Variants in DDX18 observed in about 807,000 individuals in gnomAD.
DDX18 encodes the protein DEAD-box helicase 18.
Under a neutral mutation model 73.5 loss-of-function variants are expected in DDX18, and 23 were observed. That is an observed-to-expected ratio of 0.31 (90% CI 0.23 to 0.44). The LOEUF (loss-of-function observed/expected upper bound fraction) is 0.44. Ranked by LOEUF, DDX18 falls within the 20% of genes least tolerant of loss-of-function variation. The pLI is 1.00. For missense variants in DDX18, 753 were observed against 792.9 expected, an observed-to-expected ratio of 0.95 and a Z score of 0.60; for synonymous variants, 268 against 282.7, an observed-to-expected ratio of 0.95 and a Z score of 0.52.
intron 11 of DDX18, chr2:117,828,121 T>G (rs1163479525): frequency 1.3e-5 from 2 of 152,232 alleles, no homozygotes; most frequent in Non-Finnish European, 2.9e-5. Flanking sequence ...CCTAAATGTC[T>G]TCTTTTGAGA....
chr2:117,824,460 A>G lies in DDX18; in HGVS notation c.1067-109A>G, dbSNP rs925558259. The G allele has an allele frequency of 1.4e-5, 15 of 1,037,302 alleles. No individual in the cohort carries two copies. In the African/African-American group the frequency reaches 2.5e-4, roughly 17 times the overall value. 64.3% of individuals were successfully genotyped at this position (1,037,302 alleles called of 1,614,324 possible). A position where few individuals can be genotyped will look rare whatever the true frequency, so the allele number is the denominator to read the frequency against. On this transcript the variant is annotated intron_variant, in intron 7 of 13. Coordinates refer to ENST00000263239, the MANE Select transcript of DDX18 (RefSeq NM_006773.4). ...TGTAATATTTGTAGATTCTGTAGAAACATCATATCTCCCATTTCTGATATC... is the reference window on the plus strand; with the variant it reads ...TGTAATATTTGTAGATTCTGTAGAAGCATCATATCTCCCATTTCTGATATC...
chr2:117,830,767 G>T lies in DDX18; in HGVS notation c.*43G>T. The T allele has an allele frequency of 6.3e-7, 1 of 1,596,410 alleles. No individual in the cohort carries two copies. The highest frequency in any genetic ancestry group is 2.2e-5 in the East Asian group (1 of 44,538). On this transcript the variant is annotated 3_prime_UTR_variant, in exon 14 of 14. Coordinates refer to ENST00000263239, the MANE Select transcript of DDX18 (RefSeq NM_006773.4). ...ATCTTGAATAACTTTGTCCTAAAAT[G>T]AATTTTTTTTCCCCTTGATTTAACA...
chr2:117,821,847 A>G lies in DDX18; in HGVS notation c.752-15A>G, dbSNP rs781174520. ...TGACAGCCACATTTAGACTTCTACC[A>G]TATATCATTTTTAGGAACAGGAGTC... On this transcript the variant is annotated splice_polypyrimidine_tract_variant and intron_variant, in intron 5 of 13. Coordinates refer to ENST00000263239, the MANE Select transcript of DDX18 (RefSeq NM_006773.4). 137 of 1,613,726 alleles carry G rather than the reference A, an allele frequency of 8.5e-5. 1 individual carries two copies. The South Asian group carries it at 1.4e-3, about 17-fold the overall frequency.
At chr2:117,821,629 C>A (rs753345032) in intron 4 of DDX18, 21 bp from the exon 5 acceptor site, 4 of 1,613,062 alleles carry the variant, frequency 2.5e-6, no homozygotes, top group Non-Finnish European at 3.4e-6. Context: ...TGTCTTTCTC[C>A]TTTCCCTTTT....
chr2:117,824,473 C>A, intron 7 of DDX18, 96 bp from the exon 8 acceptor site: 2 of 1,115,644 alleles, frequency 1.8e-6, no homozygotes, highest in Non-Finnish European at 1.2e-6. Context: ...TCATATCTCC[C>A]ATTTCTGATA....
chr2:117,819,917 T>A (rs1190777420), intron 3 of DDX18, 125 bp downstream of exon 3: 2 of 852,470 alleles, frequency 2.3e-6, no homozygotes, highest in Non-Finnish European at 3.3e-6. Context: ...AACAAGAAAC[T>A]TTTTTTATAT....
At chr2:117,819,572 A>G in intron 2 of DDX18, 77 bp from the exon 3 acceptor site, 1 of 1,251,828 alleles carries the variant, frequency 8.0e-7, no homozygotes, top group Middle Eastern at 2.9e-4. Context: ...TATATCAGAG[A>G]TCTTCTGTTT....
At position 117,821,955 on chromosome 2, in the gene DDX18, A is replaced by G. The variant is rs1679853156; in HGVS notation, c.845A>G (p.Tyr282Cys). The change falls in exon 6 of 14, where the codon TAT becomes TGT. Residue 282 changes from tyrosine (Y) to cysteine (C), a missense_variant. Physicochemically the swap from Tyr to Cys is radical, Grantham distance 194. Transcript: ENST00000263239. ...KELMTHHVHT[Y>C]GLIMGGSNRS... The stretch of plus-strand genomic sequence containing the variant: ...CTGATGACTCACCACGTGCATACCT[A>G]TGGCTTGATAATGGGTGGCAGTAAC... The G allele has an allele frequency of 6.2e-7, 1 of 1,614,026 alleles. No individual in the cohort carries two copies. Among genetic ancestry groups the G allele is most frequent in the Non-Finnish European group, 8.5e-7 (1 of 1,179,950 alleles).
chr2:117,826,898 T>C (rs1211337212), intron 11 of DDX18: 1 of 154,534 alleles, frequency 6.5e-6, no homozygotes, highest in African/African-American at 2.4e-5. Flanking sequence ...CTTCTACCCC[T>C]GCCTGCAGGA....
rs771010075 is a variant in DDX18 at position 117,821,873 on chromosome 2, C to T, written c.763C>T (p.Leu255Phe). 5.0e-6 allele frequency: 8 copies of T among 1,613,844 alleles called. No individual in the cohort carries two copies. Among genetic ancestry groups the T allele is most frequent in the South Asian group, 3.3e-5 (3 of 91,088 alleles). The change falls in exon 6 of 14, where the codon CTT becomes TTT. Residue 255 changes from leucine (L) to phenylalanine (F), a missense_variant. Leu to Phe is a conservative substitution (Grantham distance 22). Transcript: ENST00000263239. ...RFMPRNGTGV[L>F]ILSPTRELAM... The stretch of plus-strand genomic sequence containing the variant: ...TATATCATTTTTAGGAACAGGAGTC[C>T]TTATTCTCTCACCTACTAGAGAACT...
chr2:117,815,012 G>A, intron 1 of DDX18, 150 bp downstream of exon 1: 2 of 730,948 alleles, frequency 2.7e-6, no homozygotes, highest in Non-Finnish European at 4.6e-6. Flanking sequence ...GCTTCCACTC[G>A]GGACCCGCGC....
intron 3 of DDX18, 142 bp from the exon 4 acceptor site, chr2:117,821,019 A>G (rs1234133419): frequency 1.3e-6 from 1 of 746,108 alleles, no homozygotes; most frequent in Non-Finnish European, 2.0e-6. Flanking sequence ...CTTTTTCTTG[A>G]TATTATCACA....
chr2:117,830,770 T>G lies in DDX18; in HGVS notation c.*46T>G. On this transcript the variant is annotated 3_prime_UTR_variant, in exon 14 of 14. Coordinates refer to ENST00000263239, the MANE Select transcript of DDX18 (RefSeq NM_006773.4). ...TTGAATAACTTTGTCCTAAAATGAA[T>G]TTTTTTTCCCCTTGATTTAACAGGA... 6.3e-7 allele frequency: 1 copy of G among 1,587,884 alleles called. No homozygotes were observed. Among genetic ancestry groups the G allele is most frequent in the Non-Finnish European group, 8.5e-7 (1 of 1,172,436 alleles).
chr2:117,831,822 T>C lies in DDX18; in HGVS notation c.*1098T>C, dbSNP rs1186046442. The C allele has an allele frequency of 6.6e-6, 1 of 152,264 alleles. No homozygotes were observed. The highest frequency in any genetic ancestry group is 1.5e-5 in the Non-Finnish European group (1 of 68,042). 9.4% of individuals were successfully genotyped at this position (152,264 alleles called of 1,614,324 possible). On this transcript the variant is annotated 3_prime_UTR_variant, in exon 14 of 14. Coordinates refer to ENST00000263239, the MANE Select transcript of DDX18 (RefSeq NM_006773.4). ...TTTCGTTGTAGGAGCACTTGATTTC[T>C]AGTGTGTTTTGTACAGTATATAACT...
intron 1 of DDX18, among the ~76,000 whole-genome samples, chr2:117,816,796 AT>A (rs1272791711): frequency 1.3e-5 from 2 of 152,386 alleles, no homozygotes; most frequent in East Asian, 3.9e-4. Flanking sequence ...CATGAGTAAT[AT>A]GTTGCACTAC....
In DDX18 at chr2:117,832,256, A is replaced by G. The variant is rs772511801; in HGVS notation, c.*1532A>G. The G allele has an allele frequency of 5.3e-5, 8 of 152,170 alleles. No homozygotes were observed. The highest frequency in any genetic ancestry group is 1.0e-4 in the Non-Finnish European group (7 of 68,028). The allele number at this position is 152,170 out of a possible 1,614,324, so 9.4% of individuals were successfully genotyped here. A position where few individuals can be genotyped will look rare whatever the true frequency, so the allele number is the denominator to read the frequency against. The stretch of plus-strand genomic sequence containing the variant: ...GCATTTTGTACATAATCTAATTTTT[A>G]TATGCATGTTCATGCTTTTTAATTT... On this transcript the variant is annotated 3_prime_UTR_variant, in exon 14 of 14. Transcript: ENST00000263239.
At chr2:117,816,183 GAACATTACTGT>G (rs1179038142) in intron 1 of DDX18, among the ~76,000 whole-genome samples, 1 of 152,210 alleles carries the variant, frequency 6.6e-6, no homozygotes, top group Admixed American at 6.5e-5. Flanking sequence ...TGAAGGCCTA[GAACATTACTGT>G]ACACTATAGA....
intron 11 of DDX18, chr2:117,827,744 G>A (rs1427024450): frequency 6.6e-6 from 1 of 152,150 alleles, no homozygotes; most frequent in Non-Finnish European, 1.5e-5. Flanking sequence ...TCATTGATGG[G>A]CATTTGGGTT....
At chr2:117,824,902 T>G in intron 8 of DDX18, 38 bp from the exon 9 acceptor site, 2 of 1,563,586 alleles carry the variant, frequency 1.3e-6, no homozygotes, top group Non-Finnish European at 1.7e-6. Flanking sequence ...AAATGTCCAC[T>G]TGGTTCATTT....
Sources: allele counts gnomAD v4.1 joint callset (sites outside exome capture counted in the v4.1 genomes callset), GRCh38; gene constraint gnomAD v4.1.1; transcripts MANE v1.5; gene names NCBI Gene and HGNC (gene_info 2026-07-23, HGNC 2026-07-21).